Variants in PSMD6 observed in about 807,000 individuals in gnomAD.
The protein encoded by PSMD6 is 26S proteasome non-ATPase regulatory subunit 6.
PSMD6 carries 7 observed loss-of-function variants against 44.9 expected under a neutral mutation model. That is an observed-to-expected ratio of 0.16 (90% CI 0.09 to 0.29). The LOEUF (loss-of-function observed/expected upper bound fraction) is 0.29. Among genes scored for constraint, PSMD6 ranks in the 10% least tolerant of loss-of-function variants. The pLI is 1.00. For missense variants in PSMD6, 420 were observed against 482.6 expected (o/e 0.87, Z 1.21); for synonymous variants, 184 against 172.7 (o/e 1.07, Z -0.51).
chr3:64,011,044 T>TAACA (rs768643422), intron 6 of PSMD6, 89 bp from the exon 7 acceptor site: 10 of 1,089,528 alleles, frequency 9.2e-6, no homozygotes, highest in African/African-American at 3.2e-5. Flanking sequence ...CTTAAATTTG[T>TAACA]AACAAACATT....
At chr3:64,012,626 C>CA (rs1249719091) in intron 6 of PSMD6, 1 of 152,336 alleles carries the variant, frequency 6.6e-6, no homozygotes, top group African/African-American at 2.4e-5. Context: ...ATATTATCCT[C>CA]AAAATCTCCT....
chr3:64,017,906 T>C (rs2076072497), intron 5 of PSMD6, among the ~76,000 whole-genome samples: 1 of 152,218 alleles, frequency 6.6e-6, no homozygotes, highest in African/African-American at 2.4e-5. Context: ...TGCAAGCTGA[T>C]TCTTCTATCA....
In PSMD6 at chr3:64,021,598, C is replaced by A. The variant is rs138939932; in HGVS notation, c.351+720G>T. On this transcript the variant is annotated intron_variant, in intron 2 of 7. Coordinates refer to ENST00000295901, the MANE Select transcript of PSMD6 (RefSeq NM_014814.3). Reference sequence around the variant, plus strand: ...CCGAGACAGGTGGATCACCTGAGGTCAGGAGTTCGAGACTAGCCTGGCCAA... The same window carrying A: ...CCGAGACAGGTGGATCACCTGAGGTAAGGAGTTCGAGACTAGCCTGGCCAA... Among the ~76,000 whole-genome samples the A allele has an allele frequency of 3.1e-3, 478 of 152,274 alleles. 2 individuals are homozygous for A. The highest frequency in any genetic ancestry group is 0.01 in the African/African-American group (425 of 41,554).
intron 6 of PSMD6, 130 bp downstream of exon 6, chr3:64,013,309 A>G (rs1276903932): frequency 3.3e-6 from 3 of 902,708 alleles, no homozygotes; most frequent in Non-Finnish European, 4.9e-6. Flanking sequence ...GATAATACTG[A>G]GGAAAAAAAC....
Position 64,010,770 on chromosome 3 carries a change from A to C in PSMD6, c.1074-6T>G. 6.3e-7 allele frequency: 1 copy of C among 1,595,616 alleles called. No homozygotes were observed. The highest frequency in any genetic ancestry group is 8.6e-7 in the Non-Finnish European group (1 of 1,165,926). On this transcript the variant is annotated splice_region_variant and splice_polypyrimidine_tract_variant and intron_variant, in intron 7 of 7. Transcript: ENST00000295901. ...GCCAGTTCTTGCTATCAGGTCTATA[A>C]ATAAATTCAAGAAAAAATGAATTAT...
chr3:64,023,981 T>A, upstream of PSMD6: 1 of 519,858 alleles, frequency 1.9e-6, no homozygotes, highest in Non-Finnish European at 3.2e-6. Flanking sequence ...AACCCCTATC[T>A]AGAACTCTAA....
intron 5 of PSMD6, chr3:64,016,874 G>C (rs892331333): frequency 1.2e-4 from 19 of 152,152 alleles, no homozygotes; most frequent in African/African-American, 4.6e-4. Context: ...TAGCATTATT[G>C]ATAGTAGCCA....
intron 6 of PSMD6, chr3:64,012,161 A>G (rs563408965): frequency 1.5e-4 from 20 of 135,344 alleles, no homozygotes; most frequent in African/African-American, 6.2e-4. Flanking sequence ...ATATGTTAAA[A>G]TGTACTGTAC....
At chr3:64,019,258 T>G (rs368530121) in intron 3 of PSMD6, 38 bp downstream of exon 3, 8 of 1,535,542 alleles carry the variant, frequency 5.2e-6, no homozygotes, top group Non-Finnish European at 7.2e-6. Context: ...TGTAGCATCA[T>G]AATTTAGAGA....
chr3:64,012,435 A>C (rs567405157), intron 6 of PSMD6: 1 of 152,386 alleles, frequency 6.6e-6, no homozygotes, highest in African/African-American at 2.4e-5. Flanking sequence ...AAGAGCTACT[A>C]AACAGCACAA....
chr3:64,018,820 T>G lies in PSMD6; in HGVS notation c.715A>C (p.Lys239Gln). 1.9e-6 allele frequency: 3 copies of G among 1,573,036 alleles called. No homozygotes were observed. Among genetic ancestry groups the G allele is most frequent in the Non-Finnish European group, 1.7e-6 (2 of 1,143,552 alleles). Residue 239 changes from lysine to glutamine, a missense_variant and splice_region_variant, in exon 4 of 8, where the codon AAG becomes CAG. This residue lies in a region of PSMD6 where 216 missense variants were observed against 227.0 expected (regional missense o/e 0.95). Transcript: ENST00000295901. ...IALERPDLRE[K>Q]VIKGAEILEV... ...GAGTATTAAAGTTTGGTCATTACCT[T>G]TTCCCTGAGATCTGGTCTTTCTAAG...
At chr3:64,021,755 G>A (rs1459831613) in intron 2 of PSMD6, among the ~76,000 whole-genome samples, 2 of 151,116 alleles carry the variant, frequency 1.3e-5, no homozygotes, top group Non-Finnish European at 2.9e-5. Context: ...AGGTTGCAGT[G>A]AGCCAAGATC....
chr3:64,020,691 T>C (rs1375235615), intron 2 of PSMD6, among the ~76,000 whole-genome samples: 2 of 152,236 alleles, frequency 1.3e-5, no homozygotes, highest in Non-Finnish European at 2.9e-5. Context: ...GCACTTACTA[T>C]GTGCTAGGTA....
intron 6 of PSMD6, 69 bp from the exon 7 acceptor site, chr3:64,011,024 A>G: frequency 8.1e-7 from 1 of 1,239,704 alleles, no homozygotes; most frequent in Non-Finnish European, 1.1e-6. Context: ...AAACGGCATT[A>G]AAATACTGTC....
At chr3:64,020,311 TAAATA>T (rs1260109309) in intron 2 of PSMD6, among the ~76,000 whole-genome samples, 5 of 152,092 alleles carry the variant, frequency 3.3e-5, no homozygotes, top group Non-Finnish European at 7.4e-5. Context: ...TTAGTAATAC[TAAATA>T]AAATAAAATA....
chr3:64,022,458 T>C lies in PSMD6; in HGVS notation c.211A>G (p.Asn71Asp). ...TCTTCATTTGCCTTCTTCATTTTAT[T>C]GAGTAGGTCCACGTCTATCTGCCAG... ...LDWQIDVDLL[N>D]KMKKANEDEL... The change falls in exon 2 of 8, where the codon AAT (asparagine) becomes GAT (aspartate). Residue 71 changes from asparagine to aspartate, a missense_variant. By Grantham distance (23) the Asn-to-Asp change is conservative (BLOSUM62 1). This residue lies in a region of PSMD6 where 136 missense variants were observed against 124.2 expected (regional missense o/e 1.09). Coordinates refer to ENST00000295901, the MANE Select transcript of PSMD6 (RefSeq NM_014814.3). 1 of 1,614,156 alleles carries C rather than the reference T, an allele frequency of 6.2e-7. No homozygotes were observed. The highest frequency in any genetic ancestry group is 8.5e-7 in the Non-Finnish European group (1 of 1,179,980).
chr3:64,019,550 A>G (rs2888013), intron 2 of PSMD6, 109 bp from the exon 3 acceptor site: 212,662 of 1,206,406 alleles, frequency 0.18, 19,239 homozygotes, highest in African/African-American at 0.25. Context: ...TAGGAGTAGA[A>G]GTACAACAAG....
rs2076094386 is a variant in PSMD6 at position 64,019,288 on chromosome 3, G to C, written c.497+8C>G. On this transcript the variant is annotated splice_region_variant and intron_variant, in intron 3 of 7. Coordinates refer to ENST00000295901, the MANE Select transcript of PSMD6 (RefSeq NM_014814.3). ...TAGAGAAAATATAATCCCACCCTTAGAAAGTACCTTTTGGCCTTTTCTGTG... is the reference window on the plus strand; with the variant it reads ...TAGAGAAAATATAATCCCACCCTTACAAAGTACCTTTTGGCCTTTTCTGTG... 6.4e-7 allele frequency: 1 copy of C among 1,566,000 alleles called. No individual in the cohort carries two copies. The highest frequency in any genetic ancestry group is 1.4e-5 in the African/African-American group (1 of 73,778).
chr3:64,019,465 G>A (rs776295277), intron 2 of PSMD6, 24 bp from the exon 3 acceptor site: 5 of 1,597,342 alleles, frequency 3.1e-6, no homozygotes, highest in Admixed American at 1.8e-5. Context: ...CAAGGCAATA[G>A]GTGAGAAAAG....
Sources: allele counts gnomAD v4.1 joint callset (sites outside exome capture counted in the v4.1 genomes callset), GRCh38; gene constraint gnomAD v4.1.1; regional missense constraint gnomAD v4.1.1; transcripts MANE v1.5; gene names NCBI Gene and HGNC (gene_info 2026-07-23, HGNC 2026-07-21).